MYO5C: variants seen among roughly 807,000 people sequenced by gnomAD.
MYO5C encodes unconventional myosin-Vc.
MYO5C carries 194 observed loss-of-function variants against 235.7 expected under a neutral mutation model. The observed-to-expected ratio is 0.82, with a 90% CI of 0.73 to 0.93. The LOEUF (loss-of-function observed/expected upper bound fraction) is 0.93. Among genes scored for constraint, MYO5C ranks in the 40% least tolerant of loss-of-function variants. MYO5C has a pLI of 0.00. For synonymous variants in MYO5C, 707 were observed against 754.8 expected, an observed-to-expected ratio of 0.94 and a Z score of 1.04; for missense variants, 2,038 against 2,127.2, an observed-to-expected ratio of 0.96 and a Z score of 0.82.
chr15:52,283,065 C>A (rs541531040), intron 1 of MYO5C, among the ~76,000 whole-genome samples, 173 bp from the exon 2 acceptor site: 1 of 152,162 alleles, frequency 6.6e-6, no homozygotes, highest in African/African-American at 2.4e-5. Flanking sequence ...ATGCACCAGG[C>A]CTGGCTGCCT....
intron 1 of MYO5C, among the ~76,000 whole-genome samples, chr15:52,294,126 A>G (rs1381840079): frequency 6.6e-6 from 1 of 152,266 alleles, no homozygotes; most frequent in Non-Finnish European, 1.5e-5. Flanking sequence ...TACTTACTAG[A>G]CATTTAATAA....
chr15:52,205,181 C>G (rs762148613), intron 37 of MYO5C, 34 bp from the exon 38 acceptor site: 5 of 1,604,022 alleles, frequency 3.1e-6, no homozygotes, highest in Non-Finnish European at 2.6e-6. Flanking sequence ...GCTGACACGC[C>G]AGGAGACACA....
chr15:52,269,729 C>T (rs779706496), intron 8 of MYO5C, 24 bp downstream of exon 8: 3 of 1,449,542 alleles, frequency 2.1e-6, no homozygotes, highest in Non-Finnish European at 2.9e-6. Context: ...TGGCTACATA[C>T]TTGGATGGGA....
intron 2 of MYO5C, among the ~76,000 whole-genome samples, chr15:52,280,691 G>T (rs538814863): frequency 1.2e-4 from 18 of 152,312 alleles, no homozygotes; most frequent in Non-Finnish European, 2.6e-4. Flanking sequence ...CCACTGTGCA[G>T]ACCCCATGCC....
intron 35 of MYO5C, 112 bp downstream of exon 35, chr15:52,211,618 T>G (rs1250185019): frequency 8.3e-7 from 1 of 1,211,218 alleles, no homozygotes; most frequent in Non-Finnish European, 1.2e-6. Flanking sequence ...CAAACTTGTT[T>G]GAGGAATCAT....
intron 10 of MYO5C, among the ~76,000 whole-genome samples, chr15:52,258,700 G>A (rs10851510): frequency 0.94 from 142,952 of 152,300 alleles, 67,475 homozygotes; most frequent in Non-Finnish European, 0.99. Context: ...GCTGCCTAGA[G>A]GAAAGCTGAT....
At chr15:52,274,670 A>T (rs77929792) in intron 5 of MYO5C, among the ~76,000 whole-genome samples, 18 of 136,772 alleles carry the variant, frequency 1.3e-4, no homozygotes, top group African/African-American at 5.2e-4. Flanking sequence ...GTTTCTTAGT[A>T]CCCCCCCCCC....
At chr15:52,246,784 C>G in intron 16 of MYO5C, 133 bp downstream of exon 16, 1 of 629,570 alleles carries the variant, frequency 1.6e-6, no homozygotes, top group Non-Finnish European at 2.8e-6. Flanking sequence ...ATGTAAAGGG[C>G]AGCATTGTTC....
intron 8 of MYO5C, 40 bp downstream of exon 8, chr15:52,269,713 A>T: frequency 1.5e-6 from 2 of 1,339,142 alleles, no homozygotes; most frequent in Non-Finnish European, 2.1e-6. Context: ...TTTTTTTAAG[A>T]GAAAATGGCT....
chr15:52,224,521 ACT>A (rs2035776067), intron 28 of MYO5C, among the ~76,000 whole-genome samples: 1 of 151,952 alleles, frequency 6.6e-6, no homozygotes, highest in African/African-American at 2.4e-5. Context: ...ATATATGGGA[ACT>A]CTCTGTATTT....
intron 23 of MYO5C, among the ~76,000 whole-genome samples, chr15:52,234,972 T>C (rs192113315): frequency 1.4e-5 from 2 of 145,832 alleles, no homozygotes; most frequent in African/African-American, 5.3e-5. Flanking sequence ...TGATTTAAAC[T>C]ATCTGGTCAG....
chr15:52,242,953 TG>T (rs2036259563), intron 19 of MYO5C: 1 of 152,142 alleles, frequency 6.6e-6, no homozygotes, highest in Non-Finnish European at 1.5e-5. Flanking sequence ...TAGAATAAGA[TG>T]GATGAAGAAA....
intron 1 of MYO5C, among the ~76,000 whole-genome samples, chr15:52,285,221 A>T (rs1209693697): frequency 1.3e-5 from 2 of 151,944 alleles, no homozygotes; most frequent in Admixed American, 1.3e-4. Flanking sequence ...CACAAAAATT[A>T]GCTGGGCGTG....
At chr15:52,196,191 G>C (rs2035048209) in intron 39 of MYO5C, 118 bp downstream of exon 39, 1 of 897,646 alleles carries the variant, frequency 1.1e-6, no homozygotes, top group Non-Finnish European at 1.6e-6. Context: ...TGATAGGTAT[G>C]CTCCCGAGAG....
chr15:52,251,703 C>T (rs2036477198), intron 12 of MYO5C, among the ~76,000 whole-genome samples, 188 bp from the exon 13 acceptor site: 1 of 151,836 alleles, frequency 6.6e-6, no homozygotes, highest in Non-Finnish European at 1.5e-5. Context: ...CTGGCTCTTC[C>T]ACCCAGGCTG....
chr15:52,196,650 A>G (rs942788104), intron 38 of MYO5C, among the ~76,000 whole-genome samples, 167 bp from the exon 39 acceptor site: 1 of 152,206 alleles, frequency 6.6e-6, no homozygotes, highest in African/African-American at 2.4e-5. Context: ...CTCCTAATCC[A>G]GAGTTCTAAG....
intron 38 of MYO5C, among the ~76,000 whole-genome samples, chr15:52,203,905 C>T (rs1471261596): frequency 6.6e-6 from 1 of 152,166 alleles, no homozygotes; most frequent in Admixed American, 6.5e-5. Flanking sequence ...CTATGCCTGG[C>T]TTATTTCACT....
At chr15:52,202,694 A>G (rs2035215456) in intron 38 of MYO5C, among the ~76,000 whole-genome samples, 1 of 152,158 alleles carries the variant, frequency 6.6e-6, no homozygotes, top group South Asian at 2.1e-4. Flanking sequence ...AAGATCTGCA[A>G]AGACTAGTCC....
At chr15:52,215,410 C>T (rs2035529896) in intron 32 of MYO5C, among the ~76,000 whole-genome samples, 1 of 152,178 alleles carries the variant, frequency 6.6e-6, no homozygotes, top group Non-Finnish European at 1.5e-5. Flanking sequence ...CACATCTGAG[C>T]ATTTGACACA....
Sources: gnomAD v4.1 joint callset for allele counts (sites outside exome capture counted in the v4.1 genomes callset) on GRCh38, gnomAD v4.1.1 for gene constraint, MANE v1.5 for transcripts, NCBI Gene and HGNC (gene_info 2026-07-23, HGNC 2026-07-21) for gene names.